Variants in ARID1B observed in about 807,000 individuals in gnomAD.
The protein encoded by ARID1B is AT-rich interaction domain 1B.
A neutral mutation model predicts 212.3 loss-of-function variants in ARID1B; 30 were observed. The observed-to-expected ratio is 0.14, with a 90% CI of 0.11 to 0.19. The LOEUF is 0.19. Among genes scored for constraint, ARID1B ranks in the 10% least tolerant of loss-of-function variants. The pLI is 1.00. For synonymous variants in ARID1B, 1,402 were observed against 1,301.7 expected (o/e 1.08, Z -1.66); for missense variants, 2,891 against 3,204.0 (o/e 0.90, Z 2.36).
intron 1 of ARID1B, among the ~76,000 whole-genome samples, chr6:156,787,372 A>G (rs1206965383): frequency 6.6e-6 from 1 of 152,204 alleles, no homozygotes; most frequent in African/African-American, 2.4e-5. Context: ...ATTGATGATT[A>G]GTGGAGGCAG....
chr6:157,094,464 C>T lies in ARID1B; in HGVS notation c.2491+9559C>T, dbSNP rs777355085. On this transcript the variant is annotated intron_variant, in intron 5 of 19. Transcript: ENST00000636930. The surrounding 1 kb of genome is among the most constrained non-coding windows in gnomAD (Gnocchi z 4.3). ...CTACCTCCCAGGTTCAAGCAATTCT[C>T]CTACCTCAGCCTCCCGAGTAGCTGG... Among the ~76,000 whole-genome samples, 64 of 152,158 alleles carry T rather than the reference C, an allele frequency of 4.2e-4. No homozygotes were observed. Among genetic ancestry groups the T allele is most frequent in the Non-Finnish European group, 8.4e-4 (57 of 68,020 alleles).
intron 4 of ARID1B, among the ~76,000 whole-genome samples, chr6:157,067,576 C>T (rs899713973): frequency 6.6e-6 from 1 of 152,092 alleles, no homozygotes; most frequent in African/African-American, 2.4e-5. Context: ...TAGAGAGTTT[C>T]CTATATCATT....
intron 4 of ARID1B, among the ~76,000 whole-genome samples, chr6:156,966,386 C>CTTTTTTTTTTTTTT (rs1214987532): frequency 5.1e-5 from 2 of 38,926 alleles, no homozygotes; most frequent in Non-Finnish European, 1.1e-4. Context: ...CTTTTCTTTT[C>CTTTTTTTTTTTTTT]TTTTTTTTTT....
At position 157,084,861 on chromosome 6, in the gene ARID1B, G is replaced by A. The variant is rs1562604881; in HGVS notation, c.2447G>A (p.Ser816Asn). 1 of 1,614,168 alleles carries A rather than the reference G, an allele frequency of 6.2e-7. No homozygotes were observed. The highest frequency in any genetic ancestry group is 8.5e-7 in the Non-Finnish European group (1 of 1,180,020). ...TCTCCTGTTGGCTCTCCTGTAGGAAGCAACCAGTCTCGATCTGGCCCAATC... is the reference window on the plus strand; with the variant it reads ...TCTCCTGTTGGCTCTCCTGTAGGAAACAACCAGTCTCGATCTGGCCCAATC... ...SPSPVGSPVG[S>N]NQSRSGPISP... The change falls in exon 5 of 20, where the codon AGC becomes AAC. Residue 816 changes from serine to asparagine, a missense_variant. Transcript: ENST00000636930.
chr6:156,782,754 A>G (rs1236732352), intron 1 of ARID1B, among the ~76,000 whole-genome samples: 3 of 152,282 alleles, frequency 2.0e-5, no homozygotes, highest in East Asian at 1.9e-4. Context: ...CTAAATTTAT[A>G]TATTTGCCAA....
intron 4 of ARID1B, among the ~76,000 whole-genome samples, chr6:157,037,142 G>T (rs1484593305): frequency 1.3e-5 from 2 of 152,122 alleles, no homozygotes; most frequent in African/African-American, 4.8e-5. Flanking sequence ...ATTTCAATTC[G>T]GCATAGCACA....
chr6:157,179,834 G>A (rs147098309), intron 11 of ARID1B, among the ~76,000 whole-genome samples: 3,422 of 152,132 alleles, frequency 0.022, 54 homozygotes, highest in Non-Finnish European at 0.034. Context: ...GCTAAATAAG[G>A]TAACATCTAG....
intron 13 of ARID1B, among the ~76,000 whole-genome samples, chr6:157,188,852 T>C (rs555280189): frequency 1.3e-5 from 2 of 152,308 alleles, no homozygotes; most frequent in East Asian, 3.9e-4. Context: ...AAATGTTACG[T>C]TTTTCCCTCA....
In ARID1B at chr6:156,975,720, G is replaced by A. The variant is rs1224907303; in HGVS notation, c.2247+40144G>A. On this transcript the variant is annotated intron_variant, in intron 4 of 19. Transcript: ENST00000636930. ...AATTTTATTGTTCTTGATGTAATGT[G>A]TTTTTTTCTGACTCCTTTTAAGATT... Among the ~76,000 whole-genome samples, 4 of 143,852 alleles carry A rather than the reference G, an allele frequency of 2.8e-5. No individual in the cohort carries two copies. The East Asian group carries it at 8.3e-4, about 30-fold the overall frequency. The allele number at this position is 143,852 out of a possible 152,430, so 94.4% of individuals were successfully genotyped here.
chr6:156,953,028 T>C (rs1793701349), intron 4 of ARID1B, among the ~76,000 whole-genome samples: 1 of 152,252 alleles, frequency 6.6e-6, no homozygotes, highest in Non-Finnish European at 1.5e-5. Flanking sequence ...ACTCTAGGGC[T>C]AGTGCTTTTA....
At position 157,208,399 on chromosome 6, in the gene ARID1B, A is replaced by G; in HGVS notation, c.*508A>G. The G allele has an allele frequency of 8.6e-6, 2 of 233,630 alleles. No individual in the cohort carries two copies. The highest frequency in any genetic ancestry group is 1.7e-5 in the Non-Finnish European group (2 of 118,010). 14.5% of individuals were successfully genotyped at this position (233,630 alleles called of 1,614,324 possible). ...AGTTCTGTGCAATAGAAATTTCTAC[A>G]GATACAGGTATAGGGGCTCAAGGAG... On this transcript the variant is annotated 3_prime_UTR_variant, in exon 20 of 20. Coordinates refer to ENST00000636930, the MANE Select transcript of ARID1B (RefSeq NM_001374828.1).
chr6:156,918,764 G>T (rs1790558295), intron 3 of ARID1B, among the ~76,000 whole-genome samples: 1 of 152,100 alleles, frequency 6.6e-6, no homozygotes, highest in African/African-American at 2.4e-5. Flanking sequence ...GGCCGGTTTT[G>T]GGAGCACAGA....
At chr6:157,103,205 T>C (rs1317535457) in intron 5 of ARID1B, among the ~76,000 whole-genome samples, 1 of 152,196 alleles carries the variant, frequency 6.6e-6, no homozygotes, top group Non-Finnish European at 1.5e-5. Flanking sequence ...AAAGATCTAA[T>C]TATCTATTAA....
chr6:157,061,625 A>G (rs1166974545), intron 4 of ARID1B, among the ~76,000 whole-genome samples: 1 of 152,200 alleles, frequency 6.6e-6, no homozygotes, highest in African/African-American at 2.4e-5. Context: ...ATAAGCAATG[A>G]ATAAAATTTT....
Position 156,778,777 on chromosome 6 carries a change from T to C in ARID1B, c.1097T>C (p.Leu366Pro), listed in dbSNP as rs1414529185. ...AAGAPGSMDP[L>P]QNSHEGYPNS... ...GGGGCCCCCGGCAGCATGGACCCCC[T>C]GCAGAACTCCCACGAAGGGTACCCC... is the stretch of plus-strand genomic sequence containing the variant. Residue 366 changes from leucine (L) to proline (P), a missense_variant, in exon 1 of 20, where the codon CTG becomes CCG. Leu to Pro is a moderately conservative substitution (Grantham distance 98). Coordinates refer to ENST00000636930, the MANE Select transcript of ARID1B (RefSeq NM_001374828.1). The C allele has an allele frequency of 2.0e-6, 3 of 1,484,458 alleles. No homozygotes were observed. The highest frequency in any genetic ancestry group is 2.1e-5 in the Admixed American group (1 of 46,578). 92.0% of individuals were successfully genotyped at this position (1,484,458 alleles called of 1,614,324 possible). A position where few individuals can be genotyped will look rare whatever the true frequency, so the allele number is the denominator to read the frequency against.
chr6:157,024,431 G>A (rs1481922525), intron 4 of ARID1B: 1 of 152,248 alleles, frequency 6.6e-6, no homozygotes, highest in East Asian at 1.9e-4. Context: ...AATGTTGAAA[G>A]GGCTTACTTG....
intron 4 of ARID1B, among the ~76,000 whole-genome samples, chr6:156,989,406 C>T (rs947127224): frequency 3.9e-5 from 6 of 152,178 alleles, no homozygotes; most frequent in Non-Finnish European, 5.9e-5. Flanking sequence ...ATGCATTTAA[C>T]AGTCACAAGA....
chr6:157,194,127 T>C (rs1304673278), intron 15 of ARID1B: 1 of 152,260 alleles, frequency 6.6e-6, no homozygotes, highest in African/African-American at 2.4e-5. Flanking sequence ...TTTGTTTTTC[T>C]TTTGTGAATG....
At chr6:157,023,084 A>G (rs1013356652) in intron 4 of ARID1B, 1 of 152,246 alleles carries the variant, frequency 6.6e-6, no homozygotes, top group Non-Finnish European at 1.5e-5. Flanking sequence ...GACCTTGATC[A>G]TTGTTGTTAA....
Sources: gnomAD v4.1 joint callset for allele counts (sites outside exome capture counted in the v4.1 genomes callset) on GRCh38, gnomAD v4.1.1 for gene constraint, Gnocchi (gnomAD v3.1) non-coding constraint, MANE v1.5 for transcripts, NCBI Gene and HGNC (gene_info 2026-07-23, HGNC 2026-07-21) for gene names.